The following UST variants were observed in gnomAD, a reference collection of about 807,000 sequenced individuals.
UST encodes chondroitin sulfate 2-O-sulfotransferase.
Under a neutral mutation model 45.6 loss-of-function variants are expected in UST, and 21 were observed. The ratio of observed to expected loss-of-function variants is 0.46; its 90% confidence interval spans 0.33 to 0.66. The LOEUF (loss-of-function observed/expected upper bound fraction) is 0.66. Among genes scored for constraint, UST ranks in the 30% least tolerant of loss-of-function variants. UST has a pLI of 0.02. For missense variants in UST, 463 were observed against 512.4 expected (o/e 0.90, Z 0.93); for synonymous variants, 215 against 200.6 (o/e 1.07, Z -0.61).
At chr6:148,755,716 G>A (rs1190719409) in intron 1 of UST, among the ~76,000 whole-genome samples, 1 of 150,632 alleles carries the variant, frequency 6.6e-6, no homozygotes, top group Non-Finnish European at 1.5e-5. Context: ...TTCCAATTAT[G>A]AGCATTTTTA....
chr6:148,930,725 G>A (rs907743403), intron 2 of UST, among the ~76,000 whole-genome samples: 1 of 152,190 alleles, frequency 6.6e-6, no homozygotes, highest in Admixed American at 6.5e-5. Flanking sequence ...AAGTTACACG[G>A]TGCAGGGATA....
intron 1 of UST, among the ~76,000 whole-genome samples, chr6:148,872,433 T>A (rs1582867445): frequency 6.8e-6 from 1 of 146,966 alleles, no homozygotes; most frequent in South Asian, 2.1e-4. Context: ...ATGTATCAGT[T>A]TATAATTGAG....
At chr6:149,048,261 G>A (rs530757562) in intron 7 of UST, among the ~76,000 whole-genome samples, 5 of 152,158 alleles carry the variant, frequency 3.3e-5, no homozygotes, top group South Asian at 4.2e-4. Context: ...AGAAAGTAAA[G>A]GGCTGGCATG....
At position 148,748,074 on chromosome 6, in the gene UST, A is replaced by G. The variant is rs552043514; in HGVS notation, c.247+397A>G. Among the ~76,000 whole-genome samples, 9 of 151,994 alleles carry G rather than the reference A, an allele frequency of 5.9e-5. No individual in the cohort carries two copies. The highest frequency in any genetic ancestry group is 1.9e-4 in the East Asian group (1 of 5,130). ...GGGAAGGGAAGGTCCTCTTCGTTGCATTGTTAGTGACCGCAGTTCAGTCCC... is the reference window on the plus strand; with the variant it reads ...GGGAAGGGAAGGTCCTCTTCGTTGCGTTGTTAGTGACCGCAGTTCAGTCCC... On this transcript the variant is annotated intron_variant, in intron 1 of 7. Coordinates refer to ENST00000367463, the MANE Select transcript of UST (RefSeq NM_005715.3). This position sits in a 1 kb window ranked among gnomAD's most constrained non-coding sequence, Gnocchi z 5.3.
chr6:148,781,562 A>G (rs1394379438), intron 1 of UST, among the ~76,000 whole-genome samples: 1 of 152,210 alleles, frequency 6.6e-6, no homozygotes, highest in Non-Finnish European at 1.5e-5. Context: ...CAGGTCATCT[A>G]GGAGATCTAG....
chr6:148,752,509 T>C lies in UST; in HGVS notation c.247+4832T>C, dbSNP rs138361144. ...ATGGAATTCAGCTATGGTAATCCGT[T>C]CTGTAAACAAATAGCATGAATGGTG... On this transcript the variant is annotated intron_variant, in intron 1 of 7. Transcript: ENST00000367463. 1.2e-3 allele frequency among the ~76,000 whole-genome samples: 187 copies of C among 152,338 alleles called. 2 individuals are homozygous for C. The East Asian group carries it at 0.018, about 15-fold the overall frequency.
chr6:148,908,111 G>A (rs1041882515), intron 2 of UST, among the ~76,000 whole-genome samples: 1 of 152,018 alleles, frequency 6.6e-6, no homozygotes, highest in African/African-American at 2.4e-5. Flanking sequence ...GTTTCACCAT[G>A]TTGGCCAGGT....
chr6:148,808,716 C>T (rs1562264115), intron 1 of UST, among the ~76,000 whole-genome samples: 3 of 152,068 alleles, frequency 2.0e-5, no homozygotes, highest in Admixed American at 2.0e-4. Context: ...AGCTTCAGCC[C>T]CCAATGTCAT....
chr6:148,862,412 C>G (rs994024493), intron 1 of UST, among the ~76,000 whole-genome samples: 1 of 152,184 alleles, frequency 6.6e-6, no homozygotes, highest in Non-Finnish European at 1.5e-5. Context: ...AGATGGGTCT[C>G]CTGAATACAG....
At chr6:148,823,938 G>A (rs955377082) in intron 1 of UST, among the ~76,000 whole-genome samples, 12 of 152,116 alleles carry the variant, frequency 7.9e-5, no homozygotes, top group South Asian at 4.1e-4. Context: ...ATCAAAAAAC[G>A]GAATCCATGT....
At chr6:148,778,548 A>G (rs1441775209) in intron 1 of UST, among the ~76,000 whole-genome samples, 1 of 152,200 alleles carries the variant, frequency 6.6e-6, no homozygotes, top group East Asian at 1.9e-4. Context: ...TGAATGGAGC[A>G]TGGCCTCCCT....
chr6:149,005,531 G>T, intron 5 of UST: 1 of 985,376 alleles, frequency 1.0e-6, no homozygotes, highest in Non-Finnish European at 1.2e-6. Flanking sequence ...AAAGTCTCCA[G>T]TGTACTTTTC....
intron 3 of UST, among the ~76,000 whole-genome samples, chr6:148,952,978 A>G (rs17080460): frequency 0.02 from 3,066 of 152,326 alleles, 127 homozygotes; most frequent in African/African-American, 0.071. Context: ...CATAAAAGTT[A>G]GTTTATACGA....
chr6:149,076,470 A>G lies in UST; in HGVS notation c.*2354A>G, dbSNP rs1562347541. On this transcript the variant is annotated 3_prime_UTR_variant, in exon 8 of 8. Coordinates refer to ENST00000367463, the MANE Select transcript of UST (RefSeq NM_005715.3). ...TGTGTGTTCAAAGGCATTTCTTTTC[A>G]GCAGTGATCATTATAACTTCACAAA... 6.6e-6 allele frequency: 1 copy of G among 152,336 alleles called. No individual in the cohort carries two copies. The allele number at this position is 152,336 out of a possible 1,614,324, so 9.4% of individuals were successfully genotyped here.
At chr6:148,864,265 C>T (rs917904362) in intron 1 of UST, among the ~76,000 whole-genome samples, 2 of 152,232 alleles carry the variant, frequency 1.3e-5, no homozygotes, top group Admixed American at 6.5e-5. Context: ...GCTGTGCTAG[C>T]AGCGAGTGAG....
At chr6:149,049,650 G>A (rs796136427) in intron 7 of UST, among the ~76,000 whole-genome samples, 19 of 152,290 alleles carry the variant, frequency 1.2e-4, no homozygotes, top group African/African-American at 4.6e-4. Flanking sequence ...ATTGCTGGGA[G>A]CACACAGAAT....
chr6:148,877,934 G>T (rs1778724662), intron 1 of UST, among the ~76,000 whole-genome samples: 1 of 119,798 alleles, frequency 8.3e-6, no homozygotes, highest in African/African-American at 3.2e-5. Context: ...TATGAGTGGG[G>T]GGGTCGTGTA....
chr6:149,033,524 T>C (rs1776187696), intron 7 of UST, among the ~76,000 whole-genome samples: 1 of 152,244 alleles, frequency 6.6e-6, no homozygotes, highest in African/African-American at 2.4e-5. Context: ...TATATAACAT[T>C]GCTGGGGATT....
intron 1 of UST, among the ~76,000 whole-genome samples, chr6:148,806,489 C>T (rs887982507): frequency 7.6e-6 from 1 of 130,826 alleles, no homozygotes; most frequent in Admixed American, 8.4e-5. Context: ...CAGGCACACA[C>T]CACTGGCTTT....
Sources: allele counts gnomAD v4.1 joint callset (sites outside exome capture counted in the v4.1 genomes callset), GRCh38; gene constraint gnomAD v4.1.1; non-coding constraint Gnocchi (gnomAD v3.1); transcripts MANE v1.5; gene names NCBI Gene and HGNC (gene_info 2026-07-23, HGNC 2026-07-21).